Variants in ASXL1 observed in about 807,000 individuals in gnomAD.
ASXL1 encodes ASXL transcriptional regulator 1.
ASXL1 carries 65 observed loss-of-function variants against 89.1 expected under a neutral mutation model. The observed-to-expected ratio is 0.73, with a 90% confidence interval of 0.60 to 0.90. The LOEUF (loss-of-function observed/expected upper bound fraction) is 0.90. ASXL1 is among the 40% of genes least tolerant of loss of function. The pLI is 0.00. For missense variants in ASXL1, 1,786 were observed against 1,942.9 expected (o/e 0.92, Z 1.52); for synonymous variants, 739 against 746.9 (o/e 0.99, Z 0.17).
intron 4 of ASXL1, among the ~76,000 whole-genome samples, chr20:32,380,757 A>G (rs538584759): frequency 6.6e-5 from 10 of 152,190 alleles, no homozygotes; most frequent in Non-Finnish European, 1.5e-4. Flanking sequence ...ACGAACAAAG[A>G]AACAAAAAAA....
intron 4 of ASXL1, among the ~76,000 whole-genome samples, chr20:32,413,286 G>A (rs1043574118): frequency 2.0e-5 from 3 of 152,148 alleles, no homozygotes; most frequent in Non-Finnish European, 4.4e-5. Context: ...GTTGGTTAGG[G>A]GACTAACAGG....
At position 32,429,999 on chromosome 20, in the gene ASXL1, G is replaced by A. The variant is rs780662350; in HGVS notation, c.664G>A (p.Glu222Lys). 37 of 1,608,316 alleles carry A rather than the reference G, an allele frequency of 2.3e-5. No homozygotes were observed. Among genetic ancestry groups the A allele is most frequent in the African/African-American group, 8.0e-5 (6 of 74,926 alleles). ...LGSAAIRGQA[E>K]VTQDPAPLLR... ...CAGCGCTGCTATTCGTGGCCAGGCC[G>A]AGGTCACCCAGGACCCTGCCCCGCT... The change falls in exon 8 of 13, where the codon GAG becomes AAG. Residue 222 changes from glutamate (E) to lysine (K), a missense_variant. Around this residue, in one of 3 missense-constraint regions of ASXL1, gnomAD observed 332 missense variants for 449.7 expected, o/e 0.74. Transcript: ENST00000375687. The surrounding 1 kb of genome is among the most constrained non-coding windows in gnomAD (Gnocchi z 4.9).
intron 4 of ASXL1, among the ~76,000 whole-genome samples, chr20:32,420,951 C>T (rs899798020): frequency 6.6e-6 from 1 of 151,582 alleles, no homozygotes; most frequent in Non-Finnish European, 1.5e-5. Context: ...CCATCATCCT[C>T]AGCAAACTAA....
chr20:32,390,601 G>A (rs1046088980), intron 4 of ASXL1, among the ~76,000 whole-genome samples: 3 of 151,956 alleles, frequency 2.0e-5, no homozygotes, highest in African/African-American at 7.3e-5. Flanking sequence ...GCCTCCCAAA[G>A]TGCTAGGATT....
At chr20:32,378,101 C>T (rs1369516355) in intron 4 of ASXL1, among the ~76,000 whole-genome samples, 1 of 149,136 alleles carries the variant, frequency 6.7e-6, no homozygotes, top group Non-Finnish European at 1.5e-5. Context: ...ATGATCCTCC[C>T]ACTTTAGCCT....
At chr20:32,381,217 T>A (rs2048480415) in intron 4 of ASXL1, among the ~76,000 whole-genome samples, 2 of 152,146 alleles carry the variant, frequency 1.3e-5, no homozygotes, top group African/African-American at 4.8e-5. Context: ...CCAAAGTCCT[T>A]TTTTTTGAGA....
At chr20:32,410,946 C>G (rs953257830) in intron 4 of ASXL1, among the ~76,000 whole-genome samples, 2 of 147,356 alleles carry the variant, frequency 1.4e-5, no homozygotes, top group East Asian at 4.0e-4. Context: ...GCAGGAGAAT[C>G]GCTTGAACCC....
At chr20:32,413,194 G>A (rs898305896) in intron 4 of ASXL1, among the ~76,000 whole-genome samples, 4 of 152,016 alleles carry the variant, frequency 2.6e-5, no homozygotes, top group African/African-American at 9.7e-5. Flanking sequence ...TGTTGTTTAA[G>A]GATGAAGGAT....
intron 4 of ASXL1, among the ~76,000 whole-genome samples, chr20:32,405,372 C>T (rs1372553550): frequency 1.3e-5 from 2 of 152,198 alleles, no homozygotes; most frequent in Admixed American, 1.3e-4. Flanking sequence ...ACCACCGCAC[C>T]TGGCCCTACC....
intron 4 of ASXL1, among the ~76,000 whole-genome samples, chr20:32,383,125 C>T (rs1431531377): frequency 6.6e-6 from 1 of 152,072 alleles, no homozygotes; most frequent in Non-Finnish European, 1.5e-5. Flanking sequence ...TGACCTTTGG[C>T]CACTTCATCT....
In ASXL1 at chr20:32,429,882, T is replaced by C. The variant is rs372248205; in HGVS notation, c.566-19T>C. 2 of 1,606,640 alleles carry C rather than the reference T, an allele frequency of 1.2e-6. No homozygotes were observed. Among genetic ancestry groups the C allele is most frequent in the Non-Finnish European group, 1.7e-6 (2 of 1,179,412 alleles). On this transcript the variant is annotated intron_variant, in intron 7 of 12. Transcript: ENST00000375687. The surrounding 1 kb of genome is among the most constrained non-coding windows in gnomAD (Gnocchi z 4.9). ...GCGGCTTGGTGATACTTTTGACCAG[T>C]GGAATGCTGTGCCTTCAGGGTTCTC... is the stretch of plus-strand genomic sequence containing the variant.
intron 4 of ASXL1, among the ~76,000 whole-genome samples, chr20:32,410,741 C>T (rs984936591): frequency 2.0e-5 from 3 of 151,844 alleles, no homozygotes; most frequent in African/African-American, 7.3e-5. Context: ...ACAGTTAGTA[C>T]GCTGAGGCTG....
At chr20:32,410,055 T>G (rs2049017901) in intron 4 of ASXL1, among the ~76,000 whole-genome samples, 1 of 152,168 alleles carries the variant, frequency 6.6e-6, no homozygotes, top group South Asian at 2.1e-4. Context: ...CTCAGTACAT[T>G]TTATCAGGAG....
At position 32,429,731 on chromosome 20, in the gene ASXL1, T is replaced by C; in HGVS notation, c.566-170T>C. ...GCAGTTTGGCACCTGTAAGGTGATA[T>C]TTTAAAGCCAGACCATGAAGTGGTG... On this transcript the variant is annotated intron_variant, in intron 7 of 12. Coordinates refer to ENST00000375687, the MANE Select transcript of ASXL1 (RefSeq NM_015338.6). The surrounding 1 kb of genome is among the most constrained non-coding windows in gnomAD (Gnocchi z 4.9). The C allele has an allele frequency of 5.1e-6, 5 of 972,300 alleles. No homozygotes were observed. Among genetic ancestry groups the C allele is most frequent in the East Asian group, 2.5e-5 (1 of 40,232 alleles). 60.2% of individuals were successfully genotyped at this position (972,300 alleles called of 1,614,324 possible).
intron 1 of ASXL1, among the ~76,000 whole-genome samples, chr20:32,363,346 G>C (rs951679034): frequency 6.6e-6 from 1 of 152,170 alleles, no homozygotes; most frequent in African/African-American, 2.4e-5. Flanking sequence ...GTGAACATTA[G>C]TAGCTTGTTC....
At chr20:32,424,663 C>G (rs1408946443) in intron 4 of ASXL1, among the ~76,000 whole-genome samples, 1 of 152,200 alleles carries the variant, frequency 6.6e-6, no homozygotes, top group Non-Finnish European at 1.5e-5. Flanking sequence ...TAGAATCATA[C>G]TGTATGAATT....
intron 1 of ASXL1, among the ~76,000 whole-genome samples, chr20:32,365,100 A>G (rs1456149630): frequency 6.6e-6 from 1 of 152,230 alleles, no homozygotes; most frequent in Non-Finnish European, 1.5e-5. Context: ...AGAGTTGCCA[A>G]TTAGATGAAT....
At chr20:32,375,123 A>G (rs6141691) in intron 4 of ASXL1, among the ~76,000 whole-genome samples, 53,594 of 151,912 alleles carry the variant, frequency 0.35, 10,524 homozygotes, top group East Asian at 0.74. Flanking sequence ...TTACAGGCAT[A>G]AGCCACCGTG....
At chr20:32,402,353 C>T (rs1238437877) in intron 4 of ASXL1, among the ~76,000 whole-genome samples, 2 of 152,222 alleles carry the variant, frequency 1.3e-5, no homozygotes, top group Non-Finnish European at 2.9e-5. Context: ...CTGTGCCTGG[C>T]CCCACTGAAG....
Sources: allele counts gnomAD v4.1 joint callset (sites outside exome capture counted in the v4.1 genomes callset), GRCh38; gene constraint gnomAD v4.1.1; regional missense constraint gnomAD v4.1.1; non-coding constraint Gnocchi (gnomAD v3.1); transcripts MANE v1.5; gene names NCBI Gene and HGNC (gene_info 2026-07-23, HGNC 2026-07-21).